ZNF683: variants seen among roughly 807,000 people sequenced by gnomAD.
ZNF683 encodes tissue-resident T-cell transcription regulator protein ZNF683.
A neutral mutation model predicts 31.4 loss-of-function variants in ZNF683; 20 were observed. The ratio of observed to expected loss-of-function variants is 0.64; its 90% CI spans 0.45 to 0.93. The LOEUF (loss-of-function observed/expected upper bound fraction) is 0.93. ZNF683 is among the 40% of genes least tolerant of loss of function. The pLI, the probability that ZNF683 is intolerant of heterozygous loss-of-function variation, is 0.00. For synonymous variants in ZNF683, 264 were observed against 267.6 expected (o/e 0.99, Z 0.13); for missense variants, 621 against 637.2 (o/e 0.97, Z 0.27).
intron 2 of ZNF683, among the ~76,000 whole-genome samples, chr1:26,368,073 C>T (rs1012301965): frequency 1.3e-5 from 2 of 152,192 alleles, no homozygotes; most frequent in African/African-American, 2.4e-5. Context: ...CCTCTGACCA[C>T]CCTGGTCCCC....
chr1:26,364,757 A>G lies in ZNF683; in HGVS notation c.789T>C (p.Ser263=). 2 of 1,613,192 alleles carry G rather than the reference A, an allele frequency of 1.2e-6. No homozygotes were observed. Among genetic ancestry groups the G allele is most frequent in the South Asian group, 1.1e-5 (1 of 91,050 alleles). The change falls in exon 4 of 6, where the codon TCT becomes TCC. Residue 263 remains serine, a synonymous_variant. Coordinates refer to ENST00000349618, the MANE Select transcript of ZNF683 (RefSeq NM_001114759.3). ...LLPYPGAFQA[S]GQALPSQARN... is the part of the protein sequence containing the mutation. ...GGGCCTGGGAAGGCAGAGCTTGGCC[A>G]GAGGCTTGGAAGGCCCCTGGGTAGG...
intron 5 of ZNF683, 62 bp from the exon 6 acceptor site, chr1:26,362,084 C>T (rs376583568): frequency 1.5e-5 from 24 of 1,613,894 alleles, no homozygotes; most frequent in African/African-American, 1.2e-4. Flanking sequence ...ATTCTACTCC[C>T]TCTCCTCATC....
At chr1:26,362,888 T>G (rs1327191091) in intron 5 of ZNF683, 138 bp downstream of exon 5, 140 of 1,206,252 alleles carry the variant, frequency 1.2e-4, no homozygotes, top group Non-Finnish European at 1.6e-4. Context: ...GAGGAGTCAT[T>G]TTCAATTTTC....
intron 1 of ZNF683, among the ~76,000 whole-genome samples, chr1:26,371,460 C>A (rs1236010267): frequency 6.6e-6 from 1 of 151,940 alleles, no homozygotes; most frequent in African/African-American, 2.4e-5. Flanking sequence ...CTTAGCTGGG[C>A]ATGGTGACTT....
chr1:26,362,072 G>A, intron 5 of ZNF683, 50 bp from the exon 6 acceptor site: 1 of 1,613,998 alleles, frequency 6.2e-7, no homozygotes, highest in South Asian at 1.1e-5. Flanking sequence ...GCTGGCTCAG[G>A]CATTCTACTC....
chr1:26,361,784 A>G lies in ZNF683; in HGVS notation c.1382T>C (p.Val461Ala), dbSNP rs772933900. The change falls in exon 6 of 6, where the codon GTG becomes GCG. Residue 461 changes from valine (V) to alanine (A), a missense_variant. Physicochemically the swap from Val to Ala is moderately conservative, Grantham distance 64 (BLOSUM62 0). Transcript: ENST00000349618. Reference sequence around the variant, plus strand: ...ATAGCCCATGTGTTTCTCAGATGCCACCGCCATAAGATCTAGTGCCCCCTG... The same window carrying G: ...ATAGCCCATGTGTTTCTCAGATGCCGCCGCCATAAGATCTAGTGCCCCCTG... ...WHQGALDLMA[V>A]ASEKHMGYDI... The G allele has an allele frequency of 6.2e-7, 1 of 1,613,750 alleles. No individual in the cohort carries two copies. Among genetic ancestry groups the G allele is most frequent in the East Asian group, 2.2e-5 (1 of 44,890 alleles).
rs561504302 is a variant in ZNF683 at position 26,361,733 on chromosome 1, G to A, written c.1433C>T (p.Ser478Leu). ...TGCTCTTGCTTTCCCCTGGGATGTCGAGGACACTTTGACCTCATCTATGTC... is the reference window on the plus strand; with the variant it reads ...TGCTCTTGCTTTCCCCTGGGATGTCAAGGACACTTTGACCTCATCTATGTC... Reference protein sequence around the residue: ...GYDIDEVKVSSTSQGKARAVS... With the variant: ...GYDIDEVKVSLTSQGKARAVS... Residue 478 changes from serine to leucine, a missense_variant, in exon 6 of 6, where the codon TCG (serine) becomes TTG (leucine). Ser to Leu is a moderately radical substitution (Grantham distance 145). Transcript: ENST00000349618. The A allele has an allele frequency of 2.3e-5, 37 of 1,613,916 alleles. No individual in the cohort carries two copies. Among genetic ancestry groups the A allele is most frequent in the East Asian group, 8.9e-5 (4 of 44,894 alleles).
Position 26,368,469 on chromosome 1 carries a change from G to A in ZNF683, c.103C>T (p.Arg35Ter), listed in dbSNP as rs771064508. 34 of 1,593,200 alleles carry A rather than the reference G, an allele frequency of 2.1e-5. No individual in the cohort carries two copies. Among genetic ancestry groups the A allele is most frequent in the South Asian group, 1.4e-4 (12 of 87,598 alleles). The change falls in exon 2 of 6, where the codon CGA becomes TGA. Residue 35 changes from arginine to a stop codon, truncating the protein, a stop_gained. Coordinates refer to ENST00000349618, the MANE Select transcript of ZNF683 (RefSeq NM_001114759.3). LOFTEE classifies it high-confidence loss of function. ...LSPSLDFQLF[R>*]GDQVFSACRP... ...GGGTTCTACCTTACCTGGTCACCTC[G>A]GAAGAGCTGGAAGTCCAGGCTGGGG...
upstream of ZNF683, among the ~76,000 whole-genome samples, chr1:26,373,739 A>C (rs999757610): frequency 6.6e-6 from 1 of 152,226 alleles, no homozygotes; most frequent in Non-Finnish European, 1.5e-5. Flanking sequence ...TCTGCATTAT[A>C]CATGCCCAGA....
rs2074586821 is a variant in ZNF683, at chr1:26,368,538, A to T, written c.34T>A (p.Cys12Ser). ...KEESAAQLGC[C>S]HRPMALGGTG... ...CCTCCCAGGGCCATGGGCCTATGAC[A>T]ACAACCTAATTGTGCAGCTGATTCT... Residue 12 changes from cysteine (C) to serine (S), a missense_variant, in exon 2 of 6, where the codon TGT (cysteine) becomes AGT (serine). Cys to Ser is a moderately radical substitution (Grantham distance 112). Coordinates refer to ENST00000349618, the MANE Select transcript of ZNF683 (RefSeq NM_001114759.3). The T allele has an allele frequency of 1.2e-6, 2 of 1,607,106 alleles. No individual in the cohort carries two copies. The highest frequency in any genetic ancestry group is 1.7e-6 in the Non-Finnish European group (2 of 1,176,720).
upstream of ZNF683, chr1:26,372,835 C>A: frequency 1.7e-6 from 2 of 1,174,028 alleles, no homozygotes; most frequent in East Asian, 1.2e-4. Flanking sequence ...GGCATGGAGG[C>A]TGACAAGACA....
At chr1:26,372,061 C>A (rs1380410039) in intron 1 of ZNF683, among the ~76,000 whole-genome samples, 1 of 152,148 alleles carries the variant, frequency 6.6e-6, no homozygotes, top group Non-Finnish European at 1.5e-5. Flanking sequence ...ATCACCCCTG[C>A]GGCCTTACAC....
In ZNF683 at chr1:26,372,669, T is replaced by A. The variant is rs1161121861; in HGVS notation, c.-15A>T. On this transcript the variant is annotated splice_region_variant and 5_prime_UTR_variant, in exon 1 of 6. Transcript: ENST00000349618. ...CCTCTATCCGCACTTCCCAACCTAC[T>A]CTGGTGATCATGGGCTTTCCTTGGC... 1 of 1,297,270 alleles carries A rather than the reference T, an allele frequency of 7.7e-7. No individual in the cohort carries two copies. The highest frequency in any genetic ancestry group is 1.0e-6 in the Non-Finnish European group (1 of 985,934). 80.4% of individuals were successfully genotyped at this position (1,297,270 alleles called of 1,614,324 possible). A position where few individuals can be genotyped will look rare whatever the true frequency, so the allele number is the denominator to read the frequency against.
chr1:26,362,193 G>A lies in ZNF683; in HGVS notation c.1144-171C>T, dbSNP rs770466318. ...CACGGTATCTAGCACATTAGAACCAGGCCAACTTGGGTTAGTGTCCTTTAC... is the reference window on the plus strand; with the variant it reads ...CACGGTATCTAGCACATTAGAACCAAGCCAACTTGGGTTAGTGTCCTTTAC... On this transcript the variant is annotated intron_variant, in intron 5 of 5. Transcript: ENST00000349618. The A allele has an allele frequency of 3.3e-5, 52 of 1,570,058 alleles. 1 individual carries two copies. In the South Asian group the frequency reaches 5.7e-4, roughly 17 times the overall value.
upstream of ZNF683, chr1:26,372,798 A>G (rs1404313380): frequency 2.3e-5 from 27 of 1,193,620 alleles, no homozygotes; most frequent in Admixed American, 3.5e-5. Context: ...ACAAAGTGAC[A>G]TCACATTTAG....
chr1:26,363,747 A>G (rs2074444957), intron 4 of ZNF683, among the ~76,000 whole-genome samples: 1 of 151,766 alleles, frequency 6.6e-6, no homozygotes. Flanking sequence ...GAAAAAAAAA[A>G]AAAAAAAAAA....
intron 2 of ZNF683, among the ~76,000 whole-genome samples, chr1:26,368,019 G>C (rs1366417773): frequency 1.3e-5 from 2 of 152,054 alleles, no homozygotes; most frequent in Non-Finnish European, 2.9e-5. Context: ...TGTCCCCAGG[G>C]CCCTCTCTAG....
intron 1 of ZNF683, among the ~76,000 whole-genome samples, chr1:26,371,390 A>G (rs1178517596): frequency 2.6e-5 from 4 of 152,106 alleles, no homozygotes; most frequent in Non-Finnish European, 5.9e-5. Flanking sequence ...TCTTGAGCCC[A>G]GGAGTTTGAG....
chr1:26,365,088 T>C lies in ZNF683; in HGVS notation c.458A>G (p.His153Arg), dbSNP rs1462884059. Reference protein sequence around the residue: ...EGAPCPAFSSHNSSSPPPLQN... With the variant: ...EGAPCPAFSSRNSSSPPPLQN... ...CAGCGGTGGTGGGGAAGAGCTGTTA[T>C]GAGAGGAGAAGGCTGGGCAGGGGGC... The change falls in exon 4 of 6, where the codon CAT (histidine) becomes CGT (arginine). Residue 153 changes from histidine to arginine, a missense_variant. Coordinates refer to ENST00000349618, the MANE Select transcript of ZNF683 (RefSeq NM_001114759.3). 16 of 1,607,456 alleles carry C rather than the reference T, an allele frequency of 1.0e-5. No homozygotes were observed. Among genetic ancestry groups the C allele is most frequent in the Non-Finnish European group, 1.4e-5 (16 of 1,177,038 alleles).
Sources: gnomAD v4.1 joint callset for allele counts (sites outside exome capture counted in the v4.1 genomes callset) on GRCh38, gnomAD v4.1.1 for gene constraint, MANE v1.5 for transcripts, NCBI Gene and HGNC (gene_info 2026-07-23, HGNC 2026-07-21) for gene names.